Variants in ZNF407 observed in about 807,000 individuals in gnomAD.
ZNF407 encodes the protein zinc finger protein 407.
A neutral mutation model predicts 131.2 loss-of-function variants in ZNF407; 17 were observed. The ratio of observed to expected loss-of-function variants is 0.13; its 90% confidence interval spans 0.09 to 0.19. The LOEUF is 0.19. ZNF407 is among the 10% of genes least tolerant of loss of function. The pLI, the probability that ZNF407 is intolerant of heterozygous loss-of-function variation, is 1.00. For missense variants in ZNF407, 2,681 were observed against 2,830.6 expected, an observed-to-expected ratio of 0.95 and a Z score of 1.20; for synonymous variants, 1,156 against 1,062.0, an observed-to-expected ratio of 1.09 and a Z score of -1.72.
chr18:74,737,141 T>C (rs1453316459), intron 3 of ZNF407, among the ~76,000 whole-genome samples: 1 of 152,242 alleles, frequency 6.6e-6, no homozygotes, highest in Non-Finnish European at 1.5e-5. Flanking sequence ...TAAAATATCA[T>C]TGCTGCCACT....
chr18:74,972,951 A>G (rs1045130206), intron 8 of ZNF407, among the ~76,000 whole-genome samples: 1 of 152,190 alleles, frequency 6.6e-6, no homozygotes, highest in African/African-American at 2.4e-5. Context: ...TAGCATACCT[A>G]TTGATACGCT....
At position 74,881,508 on chromosome 18, in the gene ZNF407, C is replaced by T. The variant is rs529762626; in HGVS notation, c.5128+389C>T. Among the ~76,000 whole-genome samples, 4 of 152,100 alleles carry T rather than the reference C, an allele frequency of 2.6e-5. No homozygotes were observed. In the East Asian group the frequency reaches 7.8e-4, roughly 30 times the overall value. On this transcript the variant is annotated intron_variant, in intron 6 of 8. Transcript: ENST00000299687. ...TCTCAGTCATTCTCTCTACCCACCT[C>T]GTAGCTAATCACCCGCCTCCCCATT...
intron 8 of ZNF407, among the ~76,000 whole-genome samples, chr18:75,045,300 T>G (rs1485308766): frequency 6.6e-6 from 1 of 152,204 alleles, no homozygotes; most frequent in African/African-American, 2.4e-5. Context: ...TAATTAAAAT[T>G]CATGCTGATA....
intron 7 of ZNF407, among the ~76,000 whole-genome samples, chr18:74,896,393 G>A (rs758545287): frequency 2.6e-5 from 4 of 152,152 alleles, no homozygotes; most frequent in Non-Finnish European, 4.4e-5. Flanking sequence ...AATGTCCCAG[G>A]CTGAAAGATT....
At chr18:75,060,804 C>T (rs1178224606) in intron 8 of ZNF407, among the ~76,000 whole-genome samples, 1 of 152,282 alleles carries the variant, frequency 6.6e-6, no homozygotes, top group African/African-American at 2.4e-5. Flanking sequence ...CGCGCCCGGC[C>T]GCAGCTCTTT....
chr18:74,825,442 C>T (rs1970397202), intron 4 of ZNF407, among the ~76,000 whole-genome samples: 1 of 152,062 alleles, frequency 6.6e-6, no homozygotes, highest in African/African-American at 2.4e-5. Context: ...TTTAGAAAAC[C>T]CCAGCATCTC....
chr18:74,870,310 A>G (rs535686681), intron 4 of ZNF407, among the ~76,000 whole-genome samples: 1 of 152,336 alleles, frequency 6.6e-6, no homozygotes, highest in South Asian at 2.1e-4. Flanking sequence ...ACTAGTTAAC[A>G]AGGATCTAGC....
chr18:74,870,297 C>T (rs1294698337), intron 4 of ZNF407, among the ~76,000 whole-genome samples: 2 of 152,144 alleles, frequency 1.3e-5, no homozygotes, highest in African/African-American at 4.8e-5. Context: ...ATTTTCTTTT[C>T]CAACTAGTTA....
chr18:74,647,073 A>G (rs566630974), intron 3 of ZNF407, among the ~76,000 whole-genome samples: 21 of 152,224 alleles, frequency 1.4e-4, no homozygotes, highest in African/African-American at 4.1e-4. Flanking sequence ...CAGTGAAACA[A>G]TCATGTTCTA....
intron 3 of ZNF407, among the ~76,000 whole-genome samples, chr18:74,774,478 A>G (rs1185862218): frequency 1.3e-5 from 2 of 152,206 alleles, no homozygotes; most frequent in African/African-American, 4.8e-5. Flanking sequence ...CAAATAGTCA[A>G]GTTTAGCATA....
chr18:74,816,950 T>C (rs984866489), intron 4 of ZNF407, among the ~76,000 whole-genome samples: 46 of 152,308 alleles, frequency 3.0e-4, no homozygotes, highest in African/African-American at 1.0e-3. Context: ...CCTCATATGT[T>C]TGTGCACAAA....
At position 74,632,915 on chromosome 18, in the gene ZNF407, A is replaced by G; in HGVS notation, c.1896A>G (p.Glu632=). The G allele has an allele frequency of 6.2e-7, 1 of 1,611,536 alleles. No homozygotes were observed. The highest frequency in any genetic ancestry group is 8.5e-7 in the Non-Finnish European group (1 of 1,179,094). The part of the protein sequence containing the change: ...LFFLSEKDVE[E]HKATEKHINS... ...TTTTGTCTGAAAAAGATGTGGAAGAACACAAAGCCACCGAGAAGCATATTA... is the reference window on the plus strand; with the variant it reads ...TTTTGTCTGAAAAAGATGTGGAAGAGCACAAAGCCACCGAGAAGCATATTA... Residue 632 remains glutamate (E), a synonymous_variant, in exon 2 of 9, where the codon GAA becomes GAG. Transcript: ENST00000299687.
intron 8 of ZNF407, among the ~76,000 whole-genome samples, chr18:75,045,037 G>T (rs1973417091): frequency 6.8e-6 from 1 of 147,650 alleles, no homozygotes; most frequent in Non-Finnish European, 1.5e-5. Flanking sequence ...GTTTTTTTCA[G>T]CTTGATTGGG....
At chr18:74,732,584 C>T (rs1275014359) in intron 3 of ZNF407, among the ~76,000 whole-genome samples, 1 of 152,168 alleles carries the variant, frequency 6.6e-6, no homozygotes, top group Admixed American at 6.5e-5. Context: ...TAGATAAGCC[C>T]TGCTTCAGAT....
chr18:74,954,256 A>G (rs1040807962), intron 8 of ZNF407, among the ~76,000 whole-genome samples: 10 of 152,240 alleles, frequency 6.6e-5, no homozygotes, highest in Admixed American at 6.5e-4. Flanking sequence ...ACTTGGGAGA[A>G]ACAGACAAAA....
chr18:74,818,603 C>G (rs971065413), intron 4 of ZNF407, among the ~76,000 whole-genome samples: 1 of 152,162 alleles, frequency 6.6e-6, no homozygotes, highest in African/African-American at 2.4e-5. Flanking sequence ...CTTTTACACA[C>G]AGATGTATTT....
At chr18:74,601,797 A>G (rs1404672790) in intron 1 of ZNF407, among the ~76,000 whole-genome samples, 1 of 152,160 alleles carries the variant, frequency 6.6e-6, no homozygotes, top group Non-Finnish European at 1.5e-5. Flanking sequence ...CCCTACCTCC[A>G]ACATTGGGGA....
intron 3 of ZNF407, among the ~76,000 whole-genome samples, chr18:74,660,675 C>T (rs1985675901): frequency 1.3e-5 from 2 of 152,042 alleles, no homozygotes; most frequent in African/African-American, 4.8e-5. Context: ...TACACAAAAG[C>T]ACAGCATATA....
chr18:74,911,324 A>C (rs1971667216), intron 7 of ZNF407, among the ~76,000 whole-genome samples: 1 of 152,134 alleles, frequency 6.6e-6, no homozygotes, highest in African/African-American at 2.4e-5. Context: ...TTGCCTACTT[A>C]TTTTATAGAG....
Sources: allele counts gnomAD v4.1 joint callset (sites outside exome capture counted in the v4.1 genomes callset), GRCh38; gene constraint gnomAD v4.1.1; transcripts MANE v1.5; gene names NCBI Gene and HGNC (gene_info 2026-07-23, HGNC 2026-07-21).